The following APP variants were observed in gnomAD, a reference collection of about 807,000 sequenced individuals.
APP encodes the protein amyloid-beta precursor protein.
APP carries 31 observed loss-of-function variants against 101.4 expected under a neutral mutation model. The ratio of observed to expected loss-of-function variants is 0.31; its 90% CI spans 0.23 to 0.41. The LOEUF (loss-of-function observed/expected upper bound fraction) is 0.41, where lower values mean the gene tolerates loss of function less well. Ranked by LOEUF, APP falls within the 10% of genes least tolerant of loss-of-function variation. The pLI, the probability that APP is intolerant of heterozygous loss-of-function variation, is 1.00. For synonymous variants in APP, 366 were observed against 364.4 expected (o/e 1.00, Z -0.05); for missense variants, 839 against 1,003.7 (o/e 0.84, Z 2.22).
At chr21:26,124,068 ACT>A (rs1257546976) in intron 1 of APP, among the ~76,000 whole-genome samples, 1 of 151,748 alleles carries the variant, frequency 6.6e-6, no homozygotes, top group Admixed American at 6.6e-5. Flanking sequence ...CACTGGCCTG[ACT>A]CTCTCACTCC....
At chr21:26,086,093 A>G (rs2830045) in intron 3 of APP, among the ~76,000 whole-genome samples, 42,425 of 152,154 alleles carry the variant, frequency 0.28, 7,322 homozygotes, top group Middle Eastern at 0.38. Context: ...CAGTGGATCT[A>G]TTACACCATG....
At chr21:26,050,667 A>G (rs2045799902) in intron 5 of APP, among the ~76,000 whole-genome samples, 1 of 152,184 alleles carries the variant, frequency 6.6e-6, no homozygotes, top group Non-Finnish European at 1.5e-5. Context: ...GAGAGCATTT[A>G]AAAATATTTT....
rs1001508074 is a variant in APP, at chr21:25,975,379, C to T, written c.1300-151G>A. 3 of 1,052,472 alleles carry T rather than the reference C, an allele frequency of 2.9e-6. No individual in the cohort carries two copies. The African/African-American group carries it at 4.7e-5, about 17-fold the overall frequency. The allele number at this position is 1,052,472 out of a possible 1,614,324, so 65.2% of individuals were successfully genotyped here. A position where few individuals can be genotyped will look rare whatever the true frequency, so the allele number is the denominator to read the frequency against. ...ATAGTCATTCCAACATTGACTAATT[C>T]TACGTTTTATAGCTTACTTCACTTT... On this transcript the variant is annotated intron_variant, in intron 10 of 17. Transcript: ENST00000346798.
chr21:25,886,420 G>GAA (rs2146212406), intron 17 of APP, among the ~76,000 whole-genome samples: 1 of 151,130 alleles, frequency 6.6e-6, no homozygotes, highest in African/African-American at 2.4e-5. Context: ...TTTTAAGACA[G>GAA]TCTTGCTCTG....
rs758798772 is a variant in APP at position 26,050,995 on chromosome 21, C to G, written c.662+5G>C. Reference sequence around the variant, plus strand: ...CTCTGAGGCTGAACACAAAGGCCACCTTACCTCCCATCTGCATAGTCTGTG... The same window carrying G: ...CTCTGAGGCTGAACACAAAGGCCACGTTACCTCCCATCTGCATAGTCTGTG... On this transcript the variant is annotated splice_donor_5th_base_variant and intron_variant, in intron 5 of 17. Transcript: ENST00000346798. 7 of 1,614,102 alleles carry G rather than the reference C, an allele frequency of 4.3e-6. No homozygotes were observed. Among genetic ancestry groups the G allele is most frequent in the Non-Finnish European group, 5.9e-6 (7 of 1,179,996 alleles).
chr21:26,053,372 C>T, intron 3 of APP, 24 bp from the exon 4 acceptor site: 1 of 1,461,738 alleles, frequency 6.8e-7, no homozygotes, highest in South Asian at 1.1e-5. Context: ...AAACCACTTC[C>T]CGTCATTCCA....
chr21:25,951,560 T>C (rs1348905095), intron 13 of APP, among the ~76,000 whole-genome samples: 1 of 152,212 alleles, frequency 6.6e-6, no homozygotes, highest in Non-Finnish European at 1.5e-5. Flanking sequence ...TTTAGTATGC[T>C]ATTTGTACTG....
intron 3 of APP, among the ~76,000 whole-genome samples, chr21:26,055,176 A>C (rs1007510559): frequency 6.6e-6 from 1 of 152,166 alleles, no homozygotes; most frequent in Admixed American, 6.5e-5. Flanking sequence ...GTCACTTTGC[A>C]GGGAAGAAAC....
At chr21:25,900,770 G>A (rs1314849586) in intron 15 of APP, among the ~76,000 whole-genome samples, 1 of 151,982 alleles carries the variant, frequency 6.6e-6, no homozygotes, top group African/African-American at 2.4e-5. Flanking sequence ...GGGAGGCCGA[G>A]GCGGGAGGAT....
chr21:25,959,216 C>A (rs1039383556), intron 11 of APP, among the ~76,000 whole-genome samples: 11 of 152,178 alleles, frequency 7.2e-5, no homozygotes, highest in African/African-American at 2.7e-4. Flanking sequence ...GGGCAGGTCA[C>A]GAGGTCAGGA....
chr21:25,953,418 G>C (rs764143084), intron 13 of APP, among the ~76,000 whole-genome samples: 5 of 152,138 alleles, frequency 3.3e-5, no homozygotes, highest in Non-Finnish European at 7.4e-5. Context: ...AAAAAGTGAG[G>C]GCCAGCTGTT....
intron 1 of APP, among the ~76,000 whole-genome samples, chr21:26,166,182 C>T (rs1426414262): frequency 6.6e-6 from 1 of 152,162 alleles, no homozygotes. Flanking sequence ...GCAAAATCAG[C>T]TTCAGGGTTT....
rs139554486 is a variant in APP, at chr21:25,946,652, C to T, written c.1687+7938G>A. On this transcript the variant is annotated intron_variant, in intron 13 of 17. Transcript: ENST00000346798. The stretch of plus-strand genomic sequence containing the variant: ...CTTCACTTCAGCCCGGGTGACAGAG[C>T]GGGACTCTGTCTCCAAAAATAAAAA... Among the ~76,000 whole-genome samples the T allele has an allele frequency of 3.0e-3, 451 of 151,168 alleles. 1 individual carries two copies. The highest frequency in any genetic ancestry group is 0.011 in the African/African-American group (436 of 40,916).
chr21:25,897,538 A>G, intron 16 of APP, 35 bp downstream of exon 16: 1 of 1,499,144 alleles, frequency 6.7e-7, no homozygotes, highest in Admixed American at 1.7e-5. Context: ...TGGCAAGACA[A>G]ACAGTAGTGG....
intron 1 of APP, among the ~76,000 whole-genome samples, chr21:26,141,685 A>G (rs2063048717): frequency 6.6e-6 from 1 of 152,222 alleles, no homozygotes; most frequent in African/African-American, 2.4e-5. Context: ...CTGAGTATAT[A>G]CTATGTTCTC....
intron 5 of APP, among the ~76,000 whole-genome samples, chr21:26,032,786 T>A (rs560447235): frequency 1.1e-5 from 1 of 93,376 alleles, no homozygotes; most frequent in Non-Finnish European, 2.2e-5. Context: ...TTGGGGCTTA[T>A]TATTTTAGAA....
At chr21:25,959,058 TCTC>T (rs1341960182) in intron 11 of APP, among the ~76,000 whole-genome samples, 2 of 151,918 alleles carry the variant, frequency 1.3e-5, no homozygotes, top group South Asian at 2.1e-4. Flanking sequence ...AGAGCCTCCT[TCTC>T]CTAATCACTT....
intron 5 of APP, among the ~76,000 whole-genome samples, chr21:26,044,140 T>C (rs1219840504): frequency 6.6e-6 from 1 of 152,204 alleles, no homozygotes; most frequent in African/African-American, 2.4e-5. Context: ...TACTGCATCA[T>C]CTTTCAAGAT....
chr21:26,120,082 C>G (rs9979965), intron 1 of APP, among the ~76,000 whole-genome samples: 5,176 of 152,278 alleles, frequency 0.034, 288 homozygotes, highest in African/African-American at 0.12. Context: ...CCGGGATCAG[C>G]TGACCCTTGA....
Sources: gnomAD v4.1 joint callset for allele counts (sites outside exome capture counted in the v4.1 genomes callset) on GRCh38, gnomAD v4.1.1 for gene constraint, MANE v1.5 for transcripts, NCBI Gene and HGNC (gene_info 2026-07-23, HGNC 2026-07-21) for gene names.